Variants in EYS observed in about 807,000 individuals in gnomAD.
EYS encodes protein eyes shut homolog.
Under a neutral mutation model 282.1 loss-of-function variants are expected in EYS, and 250 were observed. The ratio of observed to expected loss-of-function variants is 0.89; its 90% CI spans 0.80 to 0.98. The LOEUF is 0.98. EYS is among the 50% of genes least tolerant of loss of function. EYS has a pLI of 0.00. For synonymous variants in EYS, 1,355 were observed against 1,282.9 expected (o/e 1.06, Z -1.20); for missense variants, 4,016 against 3,709.0 (o/e 1.08, Z -2.15).
chr6:64,674,390 G>A (rs1296620771), intron 22 of EYS, among the ~76,000 whole-genome samples: 1 of 144,822 alleles, frequency 6.9e-6, no homozygotes, highest in African/African-American at 2.5e-5. Flanking sequence ...GTGATGGGAA[G>A]GGATTTAAGA....
At position 65,091,357 on chromosome 6, in the gene EYS, G is replaced by A. The variant is rs548615785; in HGVS notation, c.2024-33630C>T. Among the ~76,000 whole-genome samples, 276 of 151,176 alleles carry A rather than the reference G, an allele frequency of 1.8e-3. 1 individual carries two copies. Among genetic ancestry groups the A allele is most frequent in the African/African-American group, 6.4e-3 (264 of 41,232 alleles). On this transcript the variant is annotated intron_variant, in intron 12 of 42. Transcript: ENST00000503581. ...CCCAGCTACTCAGGAGACTGAGGCA[G>A]GAGAATCATTTGAATTTGCGGGGCA...
intron 11 of EYS, among the ~76,000 whole-genome samples, chr6:65,326,196 GT>G (rs1480244253): frequency 6.6e-6 from 1 of 151,758 alleles, no homozygotes; most frequent in Non-Finnish European, 1.5e-5. Context: ...ACCTGTATCT[GT>G]TTTTCCTTTA....
intron 1 of EYS, among the ~76,000 whole-genome samples, chr6:65,655,627 TTGTGCTTTGC>T (rs1199168950): frequency 2.0e-5 from 3 of 151,828 alleles, no homozygotes; most frequent in Non-Finnish European, 4.4e-5. Context: ...CTTTGTTTTA[TTGTGCTTTGC>T]TGATGCTGTG....
intron 28 of EYS, among the ~76,000 whole-genome samples, chr6:64,389,574 A>G (rs1255558488): frequency 2.6e-5 from 4 of 152,178 alleles, no homozygotes; most frequent in Admixed American, 2.0e-4. Flanking sequence ...GTTTCTTTAC[A>G]TATAGTCTAT....
At chr6:65,391,194 AG>A (rs1453644171) in intron 7 of EYS, among the ~76,000 whole-genome samples, 1 of 152,110 alleles carries the variant, frequency 6.6e-6, no homozygotes, top group Non-Finnish European at 1.5e-5. Context: ...TGAGGCATTT[AG>A]GGGGCCAGAT....
At chr6:64,449,233 A>G (rs1338547031) in intron 26 of EYS, among the ~76,000 whole-genome samples, 2 of 152,310 alleles carry the variant, frequency 1.3e-5, no homozygotes, top group Non-Finnish European at 2.9e-5. Context: ...AACCAATGCA[A>G]TCAACTGGAA....
chr6:64,236,474 G>A (rs999504117), intron 30 of EYS, among the ~76,000 whole-genome samples: 3 of 152,008 alleles, frequency 2.0e-5, no homozygotes, highest in Non-Finnish European at 2.9e-5. Context: ...TATATTCTAC[G>A]TTGAACATTT....
At chr6:65,591,300 T>A (rs535427799) in intron 2 of EYS, among the ~76,000 whole-genome samples, 2 of 148,970 alleles carry the variant, frequency 1.3e-5, no homozygotes, top group South Asian at 4.2e-4. Flanking sequence ...TCCATCTCAA[T>A]CAATCCTCCC....
At chr6:64,924,526 G>C (rs1178712812) in intron 15 of EYS, among the ~76,000 whole-genome samples, 2 of 152,150 alleles carry the variant, frequency 1.3e-5, no homozygotes, top group African/African-American at 2.4e-5. Context: ...CCCAGAAAAA[G>C]GGTTTTTTCT....
At chr6:64,107,257 A>G (rs1773047422) in intron 31 of EYS, among the ~76,000 whole-genome samples, 1 of 123,456 alleles carries the variant, frequency 8.1e-6, no homozygotes, top group African/African-American at 3.3e-5. Flanking sequence ...ATATATATAT[A>G]TATGTGTGTG....
chr6:65,010,425 G>T (rs146454179), intron 13 of EYS, among the ~76,000 whole-genome samples: 9 of 152,166 alleles, frequency 5.9e-5, no homozygotes, highest in African/African-American at 2.2e-4. Context: ...CTGCGACTGC[G>T]CACTTGTGCA....
chr6:65,199,864 G>A (rs919467472), intron 12 of EYS, among the ~76,000 whole-genome samples: 1 of 152,100 alleles, frequency 6.6e-6, no homozygotes, highest in African/African-American at 2.4e-5. Context: ...AGTGACTGGA[G>A]ATGAGGTTGA....
chr6:64,950,601 C>A (rs1769454214), intron 14 of EYS, among the ~76,000 whole-genome samples: 1 of 150,848 alleles, frequency 6.6e-6, no homozygotes, highest in South Asian at 2.1e-4. Flanking sequence ...ATGGTTTTAT[C>A]ATTTCAGAGC....
intron 5 of EYS, among the ~76,000 whole-genome samples, chr6:65,426,780 T>G (rs62407675): frequency 9.8e-4 from 149 of 152,252 alleles, no homozygotes; most frequent in Non-Finnish European, 1.8e-3. Context: ...AATGTAAAAA[T>G]TTTGTTTTAG....
intron 11 of EYS, among the ~76,000 whole-genome samples, chr6:65,308,066 G>A (rs1222219284): frequency 4.7e-5 from 6 of 127,494 alleles, no homozygotes; most frequent in East Asian, 2.4e-4. Context: ...TCCACCTCCC[G>A]GGTTCAAGCG....
chr6:64,206,121 T>G (rs187851851), intron 31 of EYS, among the ~76,000 whole-genome samples: 1 of 152,200 alleles, frequency 6.6e-6, no homozygotes. Context: ...GAAAAATAAT[T>G]TGATTAAGAA....
At chr6:64,307,262 G>C (rs1367838030) in intron 29 of EYS, among the ~76,000 whole-genome samples, 180 bp from the exon 30 acceptor site, 1 of 152,006 alleles carries the variant, frequency 6.6e-6, no homozygotes, top group African/African-American at 2.4e-5. Flanking sequence ...AAAAGTAATA[G>C]GATTTTTCCA....
intron 41 of EYS, among the ~76,000 whole-genome samples, chr6:63,757,896 T>C (rs1474217667): frequency 6.6e-6 from 1 of 152,108 alleles, no homozygotes; most frequent in Non-Finnish European, 1.5e-5. Flanking sequence ...AATGAGTTTC[T>C]TTGTTTGTTT....
intron 35 of EYS, among the ~76,000 whole-genome samples, chr6:63,972,066 T>C (rs1766602517): frequency 6.6e-6 from 1 of 152,202 alleles, no homozygotes; most frequent in Non-Finnish European, 1.5e-5. Flanking sequence ...ACTCTATTTC[T>C]GAGAAAGAGA....
Sources: allele counts gnomAD v4.1 joint callset (sites outside exome capture counted in the v4.1 genomes callset), GRCh38; gene constraint gnomAD v4.1.1; transcripts MANE v1.5; gene names NCBI Gene and HGNC (gene_info 2026-07-23, HGNC 2026-07-21).